The following SKIL variants were observed in gnomAD, a reference collection of about 807,000 sequenced individuals.
The protein encoded by SKIL is SKI like proto-oncogene.
A neutral mutation model predicts 69.6 loss-of-function variants in SKIL; 20 were observed. The ratio of observed to expected loss-of-function variants is 0.29; its 90% CI spans 0.20 to 0.42. SKIL has a LOEUF of 0.42. SKIL is among the 10% of genes least tolerant of loss of function. The pLI is 1.00. For missense variants in SKIL, 745 were observed against 783.1 expected (o/e 0.95, Z 0.58); for synonymous variants, 310 against 279.9 (o/e 1.11, Z -1.08).
intron 3 of SKIL, 67 bp from the exon 4 acceptor site, chr3:170,384,466 A>G (rs1380648327): frequency 1.4e-6 from 1 of 702,746 alleles, no homozygotes; most frequent in African/African-American, 1.8e-5. Flanking sequence ...AATGCATGTT[A>G]CATATTTGAT....
chr3:170,361,572 G>C, intron 2 of SKIL, 143 bp downstream of exon 2: 1 of 696,304 alleles, frequency 1.4e-6, no homozygotes, highest in Admixed American at 3.0e-5. Context: ...TTGTATTGCA[G>C]TTTTTAGGCC....
chr3:170,359,633 T>C (rs1736116938), intron 1 of SKIL, 66 bp from the exon 2 acceptor site: 2 of 151,936 alleles, frequency 1.3e-5, no homozygotes, highest in Non-Finnish European at 2.9e-5. Flanking sequence ...GGTTTCAAAT[T>C]GGCCCTTTGG....
At chr3:170,388,344 G>A (rs554063351) in intron 4 of SKIL, among the ~76,000 whole-genome samples, 151 of 62,648 alleles carry the variant, frequency 2.4e-3, no homozygotes, top group African/African-American at 5.6e-3. Flanking sequence ...CTATTTTAAT[G>A]CTAGGTTGTT....
intron 4 of SKIL, among the ~76,000 whole-genome samples, chr3:170,385,629 T>C (rs1560219086): frequency 1.3e-5 from 2 of 152,188 alleles, no homozygotes; most frequent in Admixed American, 6.6e-5. Flanking sequence ...AAATGAGACA[T>C]GTCTGCAGAT....
At chr3:170,371,506 CA>C (rs777301866) in intron 2 of SKIL, among the ~76,000 whole-genome samples, 7 of 151,554 alleles carry the variant, frequency 4.6e-5, no homozygotes, top group Admixed American at 2.0e-4. Context: ...GACTCTGTCT[CA>C]AAAAAAGAAA....
rs993771130 is a variant in SKIL, at chr3:170,394,563, G to A, written c.*2146G>A. On this transcript the variant is annotated 3_prime_UTR_variant, in exon 7 of 7. Transcript: ENST00000259119. ...ATAAATTGCTTAATCCTTGAAATAT[G>A]TTATTGGAAAATTTTAAGCAGTGCT... 5.3e-5 allele frequency: 8 copies of A among 152,182 alleles called. No homozygotes were observed. Among genetic ancestry groups the A allele is most frequent in the African/African-American group, 1.9e-4 (8 of 41,532 alleles). 9.4% of individuals were successfully genotyped at this position (152,182 alleles called of 1,614,324 possible).
At chr3:170,386,997 T>C (rs574747679) in intron 4 of SKIL, among the ~76,000 whole-genome samples, 2 of 152,242 alleles carry the variant, frequency 1.3e-5, no homozygotes, top group African/African-American at 4.8e-5. Context: ...TCACAGCTAA[T>C]TTAGTTCCAT....
In SKIL at chr3:170,361,236, C is replaced by T; in HGVS notation, c.905C>T (p.Thr302Met). ...TGTTGTGGAATGTTTGCACCCCAGA[C>T]GTTTGTGATGCATTCTCACAGATCA... ...LECCGMFAPQTFVMHSHRSPD... is the reference protein window; with the variant it reads ...LECCGMFAPQMFVMHSHRSPD... Residue 302 changes from threonine (T) to methionine (M), a missense_variant, in exon 2 of 7, where the codon ACG (threonine) becomes ATG (methionine). Physicochemically the swap from Thr to Met is moderately conservative, Grantham distance 81. Coordinates refer to ENST00000259119, the MANE Select transcript of SKIL (RefSeq NM_005414.5). The T allele has an allele frequency of 1.9e-6, 3 of 1,614,144 alleles. No homozygotes were observed. The highest frequency in any genetic ancestry group is 1.3e-5 in the African/African-American group (1 of 75,036).
Position 170,360,779 on chromosome 3 carries a change from G to C in SKIL, c.448G>C (p.Glu150Gln). Reference protein sequence around the residue: ...SSTELTQTVLEGESISCFQVG... With the variant: ...SSTELTQTVLQGESISCFQVG... ...CACAGAACTCACTCAGACTGTGTTG[G>C]AAGGGGAATCTATTTCTTGTTTTCA... is the stretch of plus-strand genomic sequence containing the variant. Residue 150 changes from glutamate to glutamine, a missense_variant, in exon 2 of 7, where the codon GAA (glutamate) becomes CAA (glutamine). Transcript: ENST00000259119. The C allele has an allele frequency of 6.2e-7, 1 of 1,614,178 alleles. No homozygotes were observed. The highest frequency in any genetic ancestry group is 8.5e-7 in the Non-Finnish European group (1 of 1,180,034).
chr3:170,386,641 C>G (rs2108221161), intron 4 of SKIL, among the ~76,000 whole-genome samples: 1 of 151,140 alleles, frequency 6.6e-6, no homozygotes, highest in African/African-American at 2.5e-5. Context: ...CTCATTTTTT[C>G]ATTTTTTTTG....
At chr3:170,384,909 G>A in intron 4 of SKIL, 144 bp downstream of exon 4, 1 of 554,518 alleles carries the variant, frequency 1.8e-6, no homozygotes, top group South Asian at 2.4e-5. Flanking sequence ...CAAAACTCTG[G>A]GTGATTTATT....
At chr3:170,365,979 C>T (rs1173235103) in intron 2 of SKIL, among the ~76,000 whole-genome samples, 1 of 151,672 alleles carries the variant, frequency 6.6e-6, no homozygotes, top group Non-Finnish European at 1.5e-5. Flanking sequence ...TGATCTTGAA[C>T]TCCTGACCTC....
intron 1 of SKIL, among the ~76,000 whole-genome samples, chr3:170,358,866 G>A (rs564040678): frequency 2.6e-5 from 4 of 152,300 alleles, no homozygotes; most frequent in African/African-American, 9.6e-5. Flanking sequence ...CTTCCATTAA[G>A]TAAAATCGCT....
intron 2 of SKIL, among the ~76,000 whole-genome samples, chr3:170,363,541 A>G (rs925944477): frequency 1.3e-5 from 2 of 151,918 alleles, no homozygotes; most frequent in Admixed American, 1.3e-4. Context: ...GCTAGAGCTC[A>G]GTGGCGCGAT....
intron 2 of SKIL, among the ~76,000 whole-genome samples, chr3:170,369,082 ATTTTTTTTTTTTTTT>A: frequency 7.9e-6 from 1 of 126,778 alleles, no homozygotes; most frequent in Admixed American, 7.9e-5. Context: ...TATCCCTGGC[ATTTTTTTTTTTTTTT>A]TTTTTTTTTG....
chr3:170,372,833 T>C (rs1305686916), intron 2 of SKIL, among the ~76,000 whole-genome samples: 6 of 152,186 alleles, frequency 3.9e-5, no homozygotes, highest in Non-Finnish European at 8.8e-5. Context: ...TTCATATGCA[T>C]TATATTTTAT....
In SKIL at chr3:170,361,201, A is replaced by G. The variant is rs201411900; in HGVS notation, c.870A>G (p.Gln290=). 331 of 1,614,190 alleles carry G rather than the reference A, an allele frequency of 2.1e-4. 1 individual carries two copies. The East Asian group carries it at 3.3e-3, about 16-fold the overall frequency. ...FYVQPDAPCI[Q]CLECCGMFAP... is the part of the protein sequence containing the mutation. ...TTCAGCCTGATGCTCCGTGTATTCA[A>G]TGTCTGGAGTGTTGTGGAATGTTTG... is the stretch of plus-strand genomic sequence containing the variant. Residue 290 remains glutamine, a synonymous_variant, in exon 2 of 7, where the codon CAA becomes CAG. Transcript: ENST00000259119.
chr3:170,372,317 A>T (rs1736834879), intron 2 of SKIL, among the ~76,000 whole-genome samples: 1 of 152,184 alleles, frequency 6.6e-6, no homozygotes, highest in Non-Finnish European at 1.5e-5. Flanking sequence ...AGTATCTCAA[A>T]CCTAAAATTG....
At chr3:170,364,207 C>T (rs1736385829) in intron 2 of SKIL, among the ~76,000 whole-genome samples, 1 of 151,990 alleles carries the variant, frequency 6.6e-6, no homozygotes, top group Admixed American at 6.6e-5. Flanking sequence ...CCTGTCTCTG[C>T]CTCCCAAAAT....
Sources: gnomAD v4.1 joint callset for allele counts (sites outside exome capture counted in the v4.1 genomes callset) on GRCh38, gnomAD v4.1.1 for gene constraint, MANE v1.5 for transcripts, NCBI Gene and HGNC (gene_info 2026-07-23, HGNC 2026-07-21) for gene names.